The following CELF2 variants were observed in gnomAD, a reference collection of about 807,000 sequenced individuals.
CELF2 encodes CUGBP Elav-like family member 2, also known as CUG triplet repeat RNA-binding protein 2.
A neutral mutation model predicts 62.6 loss-of-function variants in CELF2; 8 were observed. That is an observed-to-expected ratio of 0.13 (90% CI 0.07 to 0.23). CELF2 has a LOEUF of 0.23. Among genes scored for constraint, CELF2 ranks in the 10% least tolerant of loss-of-function variants. The pLI is 1.00. For missense variants in CELF2, 333 were observed against 671.0 expected, an observed-to-expected ratio of 0.50 and a Z score of 5.56; for synonymous variants, 258 against 250.0, an observed-to-expected ratio of 1.03 and a Z score of -0.30.
the CELF2 span, among the ~76,000 whole-genome samples, chr10:10,665,367 A>G: frequency 1.3e-5 from 2 of 152,198 alleles, no homozygotes; most frequent in African/African-American, 4.8e-5. Flanking sequence ...TATATTATGG[A>G]TATATGTAAA....
At chr10:10,518,089 C>A in the CELF2 span, among the ~76,000 whole-genome samples, 19 of 152,216 alleles carry the variant, frequency 1.2e-4, no homozygotes, top group Admixed American at 5.2e-4. Context: ...GCATTTCCTG[C>A]ATGGTGCTAA....
At chr10:10,568,845 G>A in the CELF2 span, among the ~76,000 whole-genome samples, 1 of 152,124 alleles carries the variant, frequency 6.6e-6, no homozygotes, top group African/African-American at 2.4e-5. Context: ...AAGTATGGTG[G>A]AATTGAAAGA....
intron 1 of CELF2, among the ~76,000 whole-genome samples, chr10:11,123,534 GCCA>G (rs2058141268): frequency 1.3e-5 from 2 of 152,196 alleles, no homozygotes; most frequent in South Asian, 4.1e-4. Context: ...ATAGGTGTGA[GCCA>G]CCATGCCCGG....
chr10:11,253,286 A>T (rs1232646892), intron 4 of CELF2, among the ~76,000 whole-genome samples: 1 of 152,212 alleles, frequency 6.6e-6, no homozygotes, highest in East Asian at 1.9e-4. Context: ...GAACCCAGAA[A>T]TGTCACTTAA....
chr10:10,570,665 C>T, the CELF2 span, among the ~76,000 whole-genome samples: 1 of 151,508 alleles, frequency 6.6e-6, no homozygotes, highest in African/African-American at 2.4e-5. Context: ...ATGTAAGATG[C>T]CACAATATAA....
intron 2 of CELF2, among the ~76,000 whole-genome samples, chr10:10,951,505 G>A (rs973450494): frequency 6.6e-6 from 1 of 152,270 alleles, no homozygotes. Context: ...AAAAGTTTCT[G>A]TTTGGTGAAC....
intron 2 of CELF2, among the ~76,000 whole-genome samples, chr10:11,185,780 G>T (rs555166107): frequency 6.6e-6 from 1 of 152,230 alleles, no homozygotes; most frequent in East Asian, 1.9e-4. Context: ...TCTGTGTTCG[G>T]GAAGAATATT....
chr10:11,018,600 G>C (rs1383437793), intron 1 of CELF2, among the ~76,000 whole-genome samples: 1 of 150,638 alleles, frequency 6.6e-6, no homozygotes, highest in Non-Finnish European at 1.5e-5. Flanking sequence ...AGCCGGGCGC[G>C]GAGTCCCGGG....
At chr10:10,479,025 C>T in the CELF2 span, among the ~76,000 whole-genome samples, 2 of 152,116 alleles carry the variant, frequency 1.3e-5, no homozygotes, top group African/African-American at 2.4e-5. Context: ...ACTGACAGGT[C>T]GCTTGTCTGC....
chr10:11,106,247 A>ATTTATTTT (rs1488177128), intron 1 of CELF2, among the ~76,000 whole-genome samples: 1 of 142,330 alleles, frequency 7.0e-6, no homozygotes, highest in African/African-American at 2.6e-5. Flanking sequence ...TTATTTATTT[A>ATTTATTTT]TTTTTGAGAT....
At chr10:11,262,395 T>C (rs2080926656) in intron 5 of CELF2, among the ~76,000 whole-genome samples, 1 of 152,170 alleles carries the variant, frequency 6.6e-6, no homozygotes, top group Non-Finnish European at 1.5e-5. Flanking sequence ...AACAAGCATG[T>C]ACACAGAAAT....
chr10:10,739,904 A>G, the CELF2 span, among the ~76,000 whole-genome samples: 1 of 152,118 alleles, frequency 6.6e-6, no homozygotes, highest in African/African-American at 2.4e-5. Context: ...AAGTATGTCT[A>G]TTTAGGTCCT....
At chr10:11,079,232 CT>C (rs1171477320) in intron 1 of CELF2, among the ~76,000 whole-genome samples, 1 of 152,124 alleles carries the variant, frequency 6.6e-6, no homozygotes, top group African/African-American at 2.4e-5. Flanking sequence ...GTTTTTTGTA[CT>C]TACCTGAACT....
At chr10:10,517,244 G>C in the CELF2 span, among the ~76,000 whole-genome samples, 3 of 152,086 alleles carry the variant, frequency 2.0e-5, no homozygotes, top group African/African-American at 7.2e-5. Context: ...AACTTCAACG[G>C]GAGGCTTCCC....
chr10:10,676,361 C>T, the CELF2 span, among the ~76,000 whole-genome samples: 2 of 152,168 alleles, frequency 1.3e-5, no homozygotes, highest in Admixed American at 6.5e-5. Context: ...GGGTCAGTGG[C>T]GCTCTGATAA....
At chr10:10,968,217 CTT>C (rs1039059608) in intron 2 of CELF2, among the ~76,000 whole-genome samples, 1 of 151,338 alleles carries the variant, frequency 6.6e-6, no homozygotes, top group African/African-American at 2.4e-5. Flanking sequence ...GACAGCGCAT[CTT>C]TTTTTTTGTT....
At chr10:10,638,663 T>G in the CELF2 span, among the ~76,000 whole-genome samples, 1 of 152,226 alleles carries the variant, frequency 6.6e-6, no homozygotes, top group Non-Finnish European at 1.5e-5. Context: ...GACAGGCTAT[T>G]CTAAGTGTAT....
chr10:10,556,718 T>G, the CELF2 span, among the ~76,000 whole-genome samples: 4 of 151,800 alleles, frequency 2.6e-5, no homozygotes, highest in Admixed American at 6.6e-5. Flanking sequence ...TTTTAATGAT[T>G]GCCATTCTAA....
At chr10:10,648,988 C>G in the CELF2 span, among the ~76,000 whole-genome samples, 405 of 152,276 alleles carry the variant, frequency 2.7e-3, 2 homozygotes, top group Middle Eastern at 3.4e-3. Context: ...TGTTGCTCAC[C>G]TTTCCTTATG....
Sources: allele counts gnomAD v4.1 joint callset (sites outside exome capture counted in the v4.1 genomes callset), GRCh38; gene constraint gnomAD v4.1.1; transcripts MANE v1.5; gene names NCBI Gene and HGNC (gene_info 2026-07-23, HGNC 2026-07-21).